BST1: variants seen among roughly 807,000 people sequenced by gnomAD.
BST1 encodes ADP-ribosyl cyclase/cyclic ADP-ribose hydrolase 2.
In BST1, 49 loss-of-function variants were observed where a neutral mutation model predicts 40.6. The observed-to-expected ratio is 1.21, with a 90% confidence interval of 0.96 to 1.53. The LOEUF (loss-of-function observed/expected upper bound fraction) is 1.53. Ranked by LOEUF, BST1 falls within the 40% of genes most tolerant of loss-of-function variation. The pLI is 0.00. For missense variants in BST1, 423 were observed against 395.9 expected, an observed-to-expected ratio of 1.07 and a Z score of -0.58; for synonymous variants, 157 against 159.3, an observed-to-expected ratio of 0.99 and a Z score of 0.11.
the BST1 span, among the ~76,000 whole-genome samples, chr4:15,751,499 G>A: frequency 6.6e-6 from 1 of 152,000 alleles, no homozygotes; most frequent in Non-Finnish European, 1.5e-5. Flanking sequence ...AGGTAGCATT[G>A]GTCCATAAAG....
At chr4:15,704,782 T>C in intron 1 of BST1, 1 of 669,040 alleles carries the variant, frequency 1.5e-6, no homozygotes, top group Non-Finnish European at 2.7e-6. Context: ...ATCCCCTAAA[T>C]CTGGAGGATT....
At chr4:15,744,170 T>C in the BST1 span, among the ~76,000 whole-genome samples, 1 of 152,248 alleles carries the variant, frequency 6.6e-6, no homozygotes, top group Admixed American at 6.5e-5. Flanking sequence ...GGTTCCTTTA[T>C]GGCAGTCTGC....
the BST1 span, among the ~76,000 whole-genome samples, chr4:15,760,301 A>G: frequency 1.3e-5 from 2 of 151,880 alleles, no homozygotes; most frequent in Non-Finnish European, 2.9e-5. Context: ...CTGTGTGGGC[A>G]TATCACATTT....
the BST1 span, among the ~76,000 whole-genome samples, chr4:15,755,099 G>C: frequency 1.3e-5 from 2 of 152,056 alleles, no homozygotes; most frequent in African/African-American, 4.8e-5. Flanking sequence ...ACCCCGTTAG[G>C]AACATCATTT....
At chr4:15,711,738 T>C in intron 3 of BST1, 69 bp from the exon 4 acceptor site, 2 of 1,252,516 alleles carry the variant, frequency 1.6e-6, no homozygotes, top group Admixed American at 1.7e-5. Flanking sequence ...CTGGGATATA[T>C]TGTAAGTTAA....
rs1721299088 is a variant in BST1, at chr4:15,730,075, C to G, written c.852-1665C>G. On this transcript the variant is annotated intron_variant, in intron 8 of 8. Transcript: ENST00000265016. ...GAGTGAATCGAGTCTGGGACATTAACTGCATCACAGGTGCAATTGTAGAAA... is the reference window on the plus strand; with the variant it reads ...GAGTGAATCGAGTCTGGGACATTAAGTGCATCACAGGTGCAATTGTAGAAA... 2.0e-5 allele frequency among the ~76,000 whole-genome samples: 3 copies of G among 152,258 alleles called. No individual in the cohort carries two copies. In the South Asian group the frequency reaches 6.2e-4, roughly 32 times the overall value.
In BST1 at chr4:15,703,133, C is replaced by A. The variant is rs776642942; in HGVS notation, c.-12C>A. On this transcript the variant is annotated 5_prime_UTR_variant, in exon 1 of 9. Coordinates refer to ENST00000265016, the MANE Select transcript of BST1 (RefSeq NM_004334.3). Reference sequence around the variant, plus strand: ...GGAGGAAGCACGGGACTGGAGGGACCAAAGTTCCCCGATGGCGGCCCAGGG... The same window carrying A: ...GGAGGAAGCACGGGACTGGAGGGACAAAAGTTCCCCGATGGCGGCCCAGGG... 5 of 1,583,088 alleles carry A rather than the reference C, an allele frequency of 3.2e-6. No individual in the cohort carries two copies. The highest frequency in any genetic ancestry group is 2.3e-5 in the East Asian group (1 of 42,978).
chr4:15,770,344 T>A, the BST1 span, among the ~76,000 whole-genome samples: 2 of 152,174 alleles, frequency 1.3e-5, no homozygotes, highest in East Asian at 3.8e-4. Flanking sequence ...TGTTCCCTCC[T>A]TTTTGCAAAC....
At chr4:15,735,926 C>A, downstream of BST1, 3 of 388,590 alleles carry the variant, frequency 7.7e-6, no homozygotes, top group East Asian at 8.2e-5. Flanking sequence ...GTAATAATGG[C>A]TCTTTACTTG....
intron 4 of BST1, among the ~76,000 whole-genome samples, chr4:15,712,367 GT>G (rs2148882744): frequency 6.6e-6 from 1 of 152,282 alleles, no homozygotes; most frequent in East Asian, 1.9e-4. Context: ...AGGTAGGTCT[GT>G]TTCCCAGAGA....
the BST1 span, among the ~76,000 whole-genome samples, chr4:15,758,676 A>G: frequency 6.6e-6 from 1 of 152,196 alleles, no homozygotes; most frequent in Non-Finnish European, 1.5e-5. Flanking sequence ...AGATTTTTGT[A>G]CCTTGTTCAT....
the BST1 span, among the ~76,000 whole-genome samples, chr4:15,746,689 A>G: frequency 2.0e-5 from 3 of 152,222 alleles, no homozygotes; most frequent in African/African-American, 7.2e-5. Flanking sequence ...CATTCAAACC[A>G]TAGGAACCTA....
chr4:15,728,831 A>T (rs969761900), intron 8 of BST1, among the ~76,000 whole-genome samples: 24 of 151,650 alleles, frequency 1.6e-4, no homozygotes, highest in African/African-American at 5.3e-4. Context: ...TTTTTAGTGG[A>T]GATGAAGTTT....
At chr4:15,759,241 C>A in the BST1 span, among the ~76,000 whole-genome samples, 2 of 151,988 alleles carry the variant, frequency 1.3e-5, no homozygotes, top group South Asian at 4.1e-4. Context: ...ATGGAGCCCA[C>A]TACCCAGATT....
At chr4:15,722,749 G>A (rs140614767) in intron 7 of BST1, 126 bp from the exon 8 acceptor site, 12,135 of 753,402 alleles carry the variant, frequency 0.016, 117 homozygotes, top group Non-Finnish European at 0.02. Flanking sequence ...ATTTTTAGAG[G>A]AAATAGTTTG....
downstream of BST1, among the ~76,000 whole-genome samples, chr4:15,741,070 A>G (rs1442689620): frequency 1.3e-5 from 2 of 151,428 alleles, no homozygotes; most frequent in Non-Finnish European, 2.9e-5. Flanking sequence ...AAGAGCAGTG[A>G]CAGTTTTTTT....
rs1424526030 is a variant in BST1 at position 15,703,118 on chromosome 4, C to T, written c.-27C>T. 6.4e-7 allele frequency: 1 copy of T among 1,555,226 alleles called. No individual in the cohort carries two copies. Among genetic ancestry groups the T allele is most frequent in the East Asian group, 2.5e-5 (1 of 40,812 alleles). ...GGAGAGAAGGGGAGTGGAGGAAGCA[C>T]GGGACTGGAGGGACCAAAGTTCCCC... On this transcript the variant is annotated 5_prime_UTR_variant, in exon 1 of 9. The change creates a new upstream start codon in the 5' untranslated region. Coordinates refer to ENST00000265016, the MANE Select transcript of BST1 (RefSeq NM_004334.3).
rs1292679233 is a variant in BST1, at chr4:15,720,558, AGGGTGACAAGAGCCT to A, written c.791+1579_791+1593del. ...CTTGAGGCAGAGGTTCCAGTGAGCC[AGGGTGACAAGAGCCT>A]GGGTGACAAGAGCAAGACTCTGTCT... On this transcript the variant is annotated intron_variant, in intron 7 of 8. Coordinates refer to ENST00000265016, the MANE Select transcript of BST1 (RefSeq NM_004334.3). Among the ~76,000 whole-genome samples the A allele has an allele frequency of 3.3e-5, 5 of 150,938 alleles. No homozygotes were observed. The South Asian group carries it at 8.4e-4, about 25-fold the overall frequency.
intron 8 of BST1, among the ~76,000 whole-genome samples, chr4:15,730,641 G>A (rs1433031754): frequency 6.6e-6 from 1 of 152,252 alleles, no homozygotes; most frequent in Admixed American, 6.5e-5. Flanking sequence ...CAGGGCAGCA[G>A]CAGGTCCTGT....
Sources: allele counts gnomAD v4.1 joint callset (sites outside exome capture counted in the v4.1 genomes callset), GRCh38; gene constraint gnomAD v4.1.1; transcripts MANE v1.5; gene names NCBI Gene and HGNC (gene_info 2026-07-23, HGNC 2026-07-21).